The following AGO3 variants were observed in gnomAD, a reference collection of about 807,000 sequenced individuals.
AGO3 encodes protein argonaute-3.
Under a neutral mutation model 105.5 loss-of-function variants are expected in AGO3, and 16 were observed. That is an observed-to-expected ratio of 0.15 (90% CI 0.10 to 0.23). The LOEUF (loss-of-function observed/expected upper bound fraction) is 0.23, where lower values mean the gene tolerates loss of function less well. AGO3 is among the 10% of genes least tolerant of loss of function. The pLI, the probability that AGO3 is intolerant of heterozygous loss-of-function variation, is 1.00. For missense variants in AGO3, 534 were observed against 1,088.0 expected (o/e 0.49, Z 7.16); for synonymous variants, 340 against 367.3 (o/e 0.93, Z 0.85).
intron 14 of AGO3, among the ~76,000 whole-genome samples, chr1:36,037,063 T>C (rs1642044653): frequency 6.6e-6 from 1 of 152,164 alleles, no homozygotes; most frequent in South Asian, 2.1e-4. Context: ...GCTCTCTGTG[T>C]TTGTAACCTT....
intron 5 of AGO3, among the ~76,000 whole-genome samples, chr1:35,975,819 G>A (rs1158465636): frequency 6.6e-6 from 1 of 151,852 alleles, no homozygotes; most frequent in African/African-American, 2.4e-5. Context: ...CATATTTAAG[G>A]TGTTGTCTTT....
intron 11 of AGO3, among the ~76,000 whole-genome samples, chr1:36,015,998 G>A (rs920440508): frequency 6.6e-6 from 1 of 152,172 alleles, no homozygotes; most frequent in Non-Finnish European, 1.5e-5. Flanking sequence ...AAGATTTATG[G>A]ACAGAAAAAG....
chr1:36,049,544 A>G (rs1642616080), intron 17 of AGO3, among the ~76,000 whole-genome samples: 1 of 151,818 alleles, frequency 6.6e-6, no homozygotes, highest in Admixed American at 6.6e-5. Flanking sequence ...AAGAAAAACT[A>G]CTGGGTGCTA....
At chr1:35,941,303 C>A (rs1646249702) in intron 1 of AGO3, among the ~76,000 whole-genome samples, 1 of 152,070 alleles carries the variant, frequency 6.6e-6, no homozygotes, top group African/African-American at 2.4e-5. Flanking sequence ...GTAGTTCTAG[C>A]CAACATTATC....
intron 2 of AGO3, among the ~76,000 whole-genome samples, chr1:35,952,621 C>G: frequency 6.6e-6 from 1 of 152,002 alleles, no homozygotes; most frequent in East Asian, 1.9e-4. Context: ...ATTATAATAC[C>G]GTATTTTTAC....
At chr1:35,962,672 T>C (rs560841107) in intron 2 of AGO3, among the ~76,000 whole-genome samples, 1 of 152,122 alleles carries the variant, frequency 6.6e-6, no homozygotes, top group Admixed American at 6.6e-5. Flanking sequence ...AAAAATGCCA[T>C]TACAAATTGA....
At chr1:35,965,263 G>A (rs544817253) in intron 2 of AGO3, among the ~76,000 whole-genome samples, 10 of 151,982 alleles carry the variant, frequency 6.6e-5, no homozygotes, top group Admixed American at 1.3e-4. Context: ...AGGCCGAGGC[G>A]GGCGGATCAC....
chr1:36,028,555 T>G (rs150836643), intron 12 of AGO3, among the ~76,000 whole-genome samples: 6,540 of 152,010 alleles, frequency 0.043, 461 homozygotes, highest in African/African-American at 0.15. Flanking sequence ...TTCATCCATG[T>G]CCCTACAGAG....
At chr1:36,036,549 T>C (rs1449048942) in intron 14 of AGO3, among the ~76,000 whole-genome samples, 1 of 151,964 alleles carries the variant, frequency 6.6e-6, no homozygotes, top group African/African-American at 2.4e-5. Flanking sequence ...TTTGTTGTTT[T>C]GAATAGTTTG....
At position 36,057,305 on chromosome 1, in the gene AGO3, C is replaced by G. The variant is rs1048981457; in HGVS notation, c.*1560C>G. 6.6e-6 allele frequency: 1 copy of G among 151,636 alleles called. No homozygotes were observed. The highest frequency in any genetic ancestry group is 1.5e-5 in the Non-Finnish European group (1 of 67,944). 9.4% of individuals were successfully genotyped at this position (151,636 alleles called of 1,614,324 possible). On this transcript the variant is annotated 3_prime_UTR_variant, in exon 19 of 19. Coordinates refer to ENST00000373191, the MANE Select transcript of AGO3 (RefSeq NM_024852.4). Reference sequence around the variant, plus strand: ...TGTTTTTTGATAGTTTACTTGCTGCCTCTCATACCTTAATGTGATTTTCAT... The same window carrying G: ...TGTTTTTTGATAGTTTACTTGCTGCGTCTCATACCTTAATGTGATTTTCAT...
chr1:35,954,873 A>T (rs571333605), intron 2 of AGO3, among the ~76,000 whole-genome samples: 1 of 152,350 alleles, frequency 6.6e-6, no homozygotes, highest in South Asian at 2.1e-4. Flanking sequence ...ATATCATCTT[A>T]TGGGACCACC....
intron 5 of AGO3, among the ~76,000 whole-genome samples, chr1:36,003,004 G>A (rs1255045929): frequency 6.6e-6 from 1 of 152,122 alleles, no homozygotes; most frequent in Non-Finnish European, 1.5e-5. Flanking sequence ...CTGGGAGGGG[G>A]AGGTTGCAGT....
At chr1:36,005,752 G>C (rs1640307491) in intron 6 of AGO3, 1 of 985,242 alleles carries the variant, frequency 1.0e-6, no homozygotes, top group African/African-American at 1.7e-5. Flanking sequence ...GGATTCAACT[G>C]CTGCCCGAAG....
chr1:35,967,602 A>G (rs1646798944), intron 3 of AGO3, among the ~76,000 whole-genome samples: 1 of 152,002 alleles, frequency 6.6e-6, no homozygotes, highest in Admixed American at 6.6e-5. Context: ...TTTGTAGTAG[A>G]GATGGGGTTT....
chr1:35,985,551 C>G (rs939520736), intron 5 of AGO3, among the ~76,000 whole-genome samples: 1 of 152,074 alleles, frequency 6.6e-6, no homozygotes, highest in African/African-American at 2.4e-5. Flanking sequence ...TGTTTCAGAT[C>G]AGTAGGGAAA....
chr1:35,979,939 C>A lies in AGO3; in HGVS notation c.658+6428C>A, dbSNP rs201886879. ...ATATAGATAGGAAGGACATATCTTT[C>A]TGTCAAGTCACAACCATTGGTCATG... On this transcript the variant is annotated intron_variant, in intron 5 of 18. Transcript: ENST00000373191. Among the ~76,000 whole-genome samples the A allele has an allele frequency of 4.6e-5, 7 of 152,112 alleles. No homozygotes were observed. In the East Asian group the frequency reaches 1.4e-3, roughly 29 times the overall value.
At chr1:36,032,888 G>T (rs1641845780) in intron 12 of AGO3, among the ~76,000 whole-genome samples, 1 of 152,100 alleles carries the variant, frequency 6.6e-6, no homozygotes, top group Non-Finnish European at 1.5e-5. Context: ...ACTTTGGGAG[G>T]CCAAGGCGGG....
chr1:36,013,353 G>A lies in AGO3; in HGVS notation c.1150-277G>A, dbSNP rs539012667. On this transcript the variant is annotated intron_variant, in intron 9 of 18. Transcript: ENST00000373191. ...GCCTCCCAAAATGCTGAGATCACAG[G>A]CATGAACTACCATGCCAGGCCAAAA... The A allele has an allele frequency of 4.9e-4, 126 of 257,226 alleles. 1 individual carries two copies. Among genetic ancestry groups the A allele is most frequent in the South Asian group, 3.7e-3 (72 of 19,542 alleles). The allele number at this position is 257,226 out of a possible 1,614,324, so 15.9% of individuals were successfully genotyped here. A position where few individuals can be genotyped will look rare whatever the true frequency, so the allele number is the denominator to read the frequency against.
chr1:35,977,821 A>G (rs577724290), intron 5 of AGO3, among the ~76,000 whole-genome samples: 48 of 152,074 alleles, frequency 3.2e-4, no homozygotes, highest in African/African-American at 1.1e-3. Context: ...ATTTTTCTCC[A>G]TCTTTTTCAA....
Sources: gnomAD v4.1 joint callset for allele counts (sites outside exome capture counted in the v4.1 genomes callset) on GRCh38, gnomAD v4.1.1 for gene constraint, MANE v1.5 for transcripts, NCBI Gene and HGNC (gene_info 2026-07-23, HGNC 2026-07-21) for gene names.